SHANK2: variants seen among roughly 807,000 people sequenced by gnomAD.
SHANK2 encodes SH3 and multiple ankyrin repeat domains protein 2.
In SHANK2, 43 loss-of-function variants were observed where a neutral mutation model predicts 133.7. That is an observed-to-expected ratio of 0.32 (90% CI 0.25 to 0.41). The LOEUF is 0.41. Among genes scored for constraint, SHANK2 ranks in the 10% least tolerant of loss-of-function variants. The pLI is 1.00. For synonymous variants in SHANK2, 1,017 were observed against 952.8 expected, an observed-to-expected ratio of 1.07 and a Z score of -1.24; for missense variants, 1,994 against 2,235.8, an observed-to-expected ratio of 0.89 and a Z score of 2.18.
At chr11:71,200,518 A>AACTTCACTCTACATTTG (rs879988802) in intron 2 of SHANK2, among the ~76,000 whole-genome samples, 27 of 151,708 alleles carry the variant, frequency 1.8e-4, no homozygotes, top group Admixed American at 5.3e-4. Flanking sequence ...CTCCACGTTT[A>AACTTCACTCTACATTTG]ACTTCACTCT....
chr11:71,093,339 G>A (rs537897785), intron 7 of SHANK2, among the ~76,000 whole-genome samples: 102 of 152,282 alleles, frequency 6.7e-4, no homozygotes, highest in African/African-American at 2.3e-3. Context: ...CAAGCATCGC[G>A]TCTTCAAGAA....
intron 1 of SHANK2, among the ~76,000 whole-genome samples, chr11:71,244,746 A>G (rs578072647): frequency 6.6e-5 from 10 of 152,250 alleles, no homozygotes; most frequent in Non-Finnish European, 1.3e-4. Flanking sequence ...TCTGTTGCCC[A>G]GGCTAGAGTG....
At chr11:70,529,572 G>T (rs544728475) in intron 17 of SHANK2, among the ~76,000 whole-genome samples, 2 of 152,222 alleles carry the variant, frequency 1.3e-5, no homozygotes, top group Non-Finnish European at 2.9e-5. Flanking sequence ...TAAAATACAC[G>T]TGGCCTAACA....
intron 2 of SHANK2, among the ~76,000 whole-genome samples, chr11:71,194,958 A>G (rs535239201): frequency 1.3e-5 from 2 of 152,366 alleles, no homozygotes; most frequent in South Asian, 4.1e-4. Flanking sequence ...TCGTGGGTTA[A>G]TGGTTTACAA....
chr11:70,538,494 C>T, intron 17 of SHANK2, among the ~76,000 whole-genome samples: 1 of 152,244 alleles, frequency 6.6e-6, no homozygotes, highest in East Asian at 1.9e-4. Flanking sequence ...GGGATGCGTC[C>T]TCCCCTGAGC....
At chr11:71,199,347 G>A (rs984321435) in intron 2 of SHANK2, among the ~76,000 whole-genome samples, 1 of 152,248 alleles carries the variant, frequency 6.6e-6, no homozygotes. Flanking sequence ...CACAAACTGT[G>A]TCACTACCTG....
chr11:70,554,968 T>C (rs1554979168), intron 17 of SHANK2, among the ~76,000 whole-genome samples: 1 of 150,220 alleles, frequency 6.7e-6, no homozygotes, highest in Non-Finnish European at 1.5e-5. Context: ...ATCAGCACCA[T>C]TTTCCCAACA....
intron 2 of SHANK2, among the ~76,000 whole-genome samples, chr11:71,167,960 C>T (rs12284416): frequency 7.6e-5 from 10 of 131,338 alleles, no homozygotes; most frequent in Non-Finnish European, 1.3e-4. Context: ...AGGTGGCTGC[C>T]GGGCAGAGAA....
chr11:70,871,385 C>T (rs575622978), intron 11 of SHANK2, among the ~76,000 whole-genome samples: 21 of 152,154 alleles, frequency 1.4e-4, no homozygotes, highest in East Asian at 3.9e-4. Context: ...GCAGGATGGG[C>T]GGGGGTGGGG....
At chr11:70,538,221 C>T (rs1358180122) in intron 17 of SHANK2, among the ~76,000 whole-genome samples, 1 of 152,246 alleles carries the variant, frequency 6.6e-6, no homozygotes, top group Non-Finnish European at 1.5e-5. Flanking sequence ...TGCCTGTGGA[C>T]ATAGCCAGCA....
intron 10 of SHANK2, among the ~76,000 whole-genome samples, chr11:70,928,293 G>A (rs1414499770): frequency 6.6e-6 from 1 of 152,170 alleles, no homozygotes; most frequent in African/African-American, 2.4e-5. Flanking sequence ...AGAAAGGCTT[G>A]TATGCTTGAA....
At chr11:70,924,203 C>A (rs1443034172) in intron 10 of SHANK2, among the ~76,000 whole-genome samples, 1 of 152,196 alleles carries the variant, frequency 6.6e-6, no homozygotes, top group African/African-American at 2.4e-5. Context: ...CCCCAGGAGT[C>A]CCTCCTGACG....
At chr11:70,619,853 C>A (rs546216169) in intron 17 of SHANK2, among the ~76,000 whole-genome samples, 1 of 152,324 alleles carries the variant, frequency 6.6e-6, no homozygotes, top group African/African-American at 2.4e-5. Context: ...TGAGACGCTG[C>A]CCAGTGTGAA....
At chr11:71,068,423 G>A (rs2135959604) in intron 9 of SHANK2, among the ~76,000 whole-genome samples, 1 of 152,218 alleles carries the variant, frequency 6.6e-6, no homozygotes, top group South Asian at 2.1e-4. Context: ...GAATATCTAG[G>A]GAAGGCAAAT....
At chr11:70,886,119 C>T (rs1443261569) in intron 11 of SHANK2, among the ~76,000 whole-genome samples, 3 of 152,124 alleles carry the variant, frequency 2.0e-5, no homozygotes, top group Non-Finnish European at 2.9e-5. Flanking sequence ...GGAAACCACA[C>T]GCAGACTTGC....
At chr11:71,240,906 G>C (rs782265935) in intron 1 of SHANK2, 2 of 152,270 alleles carry the variant, frequency 1.3e-5, no homozygotes, top group Non-Finnish European at 2.9e-5. Flanking sequence ...CGATGAACCG[G>C]AACTGGGAGC....
rs76849001 is a variant in SHANK2 at position 71,213,981 on chromosome 11, G to A, written c.-13+10716C>T. On this transcript the variant is annotated intron_variant, in intron 2 of 25. Transcript: ENST00000601538. Reference sequence around the variant, plus strand: ...CCCTTTTTCAACTCCTGTTCACCCAGCCAATATGAACCACCCCTGCCCTAA... The same window carrying A: ...CCCTTTTTCAACTCCTGTTCACCCAACCAATATGAACCACCCCTGCCCTAA... 4.6e-3 allele frequency among the ~76,000 whole-genome samples: 698 copies of A among 152,174 alleles called. 7 individuals carry two copies. The highest frequency in any genetic ancestry group is 0.035 in the East Asian group (182 of 5,156).
At position 71,240,261 on chromosome 11, in the gene SHANK2, C is replaced by T. The variant is rs149598366; in HGVS notation, c.-113+12164G>A. The stretch of plus-strand genomic sequence containing the variant: ...TCCATTGTTCTCCAAGAGGTTTGGA[C>T]CTGGACTTTCCAGAGCCAGCAGTGC... On this transcript the variant is annotated intron_variant, in intron 1 of 25. Transcript: ENST00000601538. Among the ~76,000 whole-genome samples, 123 of 152,248 alleles carry T rather than the reference C, an allele frequency of 8.1e-4. 1 individual carries two copies. Among genetic ancestry groups the T allele is most frequent in the African/African-American group, 2.8e-3 (118 of 41,534 alleles).
chr11:70,881,524 G>A (rs985937682), intron 11 of SHANK2, among the ~76,000 whole-genome samples: 5 of 149,024 alleles, frequency 3.4e-5, no homozygotes, highest in Admixed American at 2.7e-4. Context: ...AGACTAGCCT[G>A]AACAATACAG....
Sources: gnomAD v4.1 joint callset for allele counts (sites outside exome capture counted in the v4.1 genomes callset) on GRCh38, gnomAD v4.1.1 for gene constraint, MANE v1.5 for transcripts, NCBI Gene and HGNC (gene_info 2026-07-23, HGNC 2026-07-21) for gene names.